NXPE2: variants seen among roughly 807,000 people sequenced by gnomAD.
NXPE2 encodes NXPE family member 2.
A neutral mutation model predicts 34.4 loss-of-function variants in NXPE2; 34 were observed. That is an observed-to-expected ratio of 0.99 (90% confidence interval 0.75 to 1.31). The LOEUF (loss-of-function observed/expected upper bound fraction) is 1.31, where lower values mean the gene tolerates loss of function less well. NXPE2 is among the 40% of genes most tolerant of loss of function. The pLI, the probability that NXPE2 is intolerant of heterozygous loss-of-function variation, is 0.00. For missense variants in NXPE2, 649 were observed against 672.5 expected (o/e 0.97, Z 0.39); for synonymous variants, 235 against 231.3 (o/e 1.02, Z -0.15).
chr11:114,570,099 G>C, the NXPE2 span, among the ~76,000 whole-genome samples: 1 of 152,162 alleles, frequency 6.6e-6, no homozygotes, highest in African/African-American at 2.4e-5. Flanking sequence ...GCCTCACATG[G>C]TTCCCGCCTT....
At chr11:114,584,364 A>C in the NXPE2 span, 1 of 406,414 alleles carries the variant, frequency 2.5e-6, no homozygotes, top group Non-Finnish European at 4.9e-6. Flanking sequence ...TTGAGAACCT[A>C]GTAATGCAGG....
the NXPE2 span, among the ~76,000 whole-genome samples, chr11:114,507,453 A>G: frequency 6.6e-6 from 1 of 152,164 alleles, no homozygotes; most frequent in Non-Finnish European, 1.5e-5. Context: ...ATAAGACTTC[A>G]GGCTGATATT....
intron 2 of NXPE2, among the ~76,000 whole-genome samples, chr11:114,696,337 AACC>A (rs1455745968): frequency 0.13 from 17,562 of 135,842 alleles, 1,471 homozygotes; most frequent in South Asian, 0.18. Context: ...ATATCAAAAA[AACC>A]AAAAAAAAAA....
chr11:114,633,482 C>A, the NXPE2 span, among the ~76,000 whole-genome samples: 196 of 148,934 alleles, frequency 1.3e-3, 1 homozygote, highest in African/African-American at 4.6e-3. Flanking sequence ...TATTATTATA[C>A]TTCAAGTTTT....
At chr11:114,495,455 G>A in the NXPE2 span, among the ~76,000 whole-genome samples, 1 of 151,604 alleles carries the variant, frequency 6.6e-6, no homozygotes, top group African/African-American at 2.4e-5. Flanking sequence ...AAGCAGAAGG[G>A]TCTCTCCTCA....
At chr11:114,557,634 C>CATAT in the NXPE2 span, among the ~76,000 whole-genome samples, 780 of 128,208 alleles carry the variant, frequency 6.1e-3, 3 homozygotes, top group Admixed American at 8.7e-3. Flanking sequence ...ATATATAATA[C>CATAT]ATATATATAT....
the NXPE2 span, among the ~76,000 whole-genome samples, chr11:114,785,792 G>C: frequency 1.3e-5 from 2 of 152,092 alleles, no homozygotes; most frequent in African/African-American, 4.8e-5. Flanking sequence ...ACTTCCCCTA[G>C]TTTTAGGCCT....
chr11:114,557,486 G>T, the NXPE2 span, among the ~76,000 whole-genome samples: 1 of 151,438 alleles, frequency 6.6e-6, no homozygotes, highest in Admixed American at 6.6e-5. Flanking sequence ...AGATGGAAAA[G>T]AAATATGCTG....
chr11:114,559,455 A>C, the NXPE2 span, among the ~76,000 whole-genome samples: 1 of 152,180 alleles, frequency 6.6e-6, no homozygotes, highest in African/African-American at 2.4e-5. Context: ...TCCTCTCTCC[A>C]ACTAGATGTT....
At chr11:114,735,918 G>A in the NXPE2 span, among the ~76,000 whole-genome samples, 16 of 152,084 alleles carry the variant, frequency 1.1e-4, no homozygotes, top group South Asian at 2.1e-4. Flanking sequence ...AGCGTCCGCC[G>A]GTTTGAGAAA....
At chr11:114,486,744 G>T in the NXPE2 span, among the ~76,000 whole-genome samples, 1 of 152,186 alleles carries the variant, frequency 6.6e-6, no homozygotes, top group Admixed American at 6.5e-5. Flanking sequence ...ATCATTTATT[G>T]AAGAGACTGT....
chr11:114,641,442 CA>C, the NXPE2 span, among the ~76,000 whole-genome samples: 1 of 151,854 alleles, frequency 6.6e-6, no homozygotes, highest in Non-Finnish European at 1.5e-5. Context: ...AATGAAATTG[CA>C]AAATATTTGA....
chr11:114,778,000 C>T, the NXPE2 span, among the ~76,000 whole-genome samples: 297 of 152,264 alleles, frequency 2.0e-3, no homozygotes, highest in African/African-American at 7.0e-3. Flanking sequence ...AATATCAAAC[C>T]AGTATTTGGC....
At chr11:114,786,562 C>T in the NXPE2 span, among the ~76,000 whole-genome samples, 3 of 152,124 alleles carry the variant, frequency 2.0e-5, no homozygotes, top group South Asian at 6.2e-4. Flanking sequence ...TGCTAAATTA[C>T]CCTTTAAACT....
chr11:114,798,952 C>G, the NXPE2 span, among the ~76,000 whole-genome samples: 1 of 152,216 alleles, frequency 6.6e-6, no homozygotes, highest in Non-Finnish European at 1.5e-5. Context: ...TTTCTCCACA[C>G]TGTCGTATAG....
the NXPE2 span, among the ~76,000 whole-genome samples, chr11:114,486,674 T>G: frequency 6.6e-6 from 1 of 152,090 alleles, no homozygotes; most frequent in East Asian, 1.9e-4. Flanking sequence ...TGATGCTTGT[T>G]TATGGTGAGA....
At chr11:114,766,304 A>G in the NXPE2 span, among the ~76,000 whole-genome samples, 1 of 152,148 alleles carries the variant, frequency 6.6e-6, no homozygotes, top group Admixed American at 6.5e-5. Context: ...TATAAATCAA[A>G]ACTTCTTCCA....
At chr11:114,602,236 A>T in the NXPE2 span, among the ~76,000 whole-genome samples, 16 of 115,362 alleles carry the variant, frequency 1.4e-4, no homozygotes, top group Non-Finnish European at 1.3e-4. Context: ...ATTATATATT[A>T]TACTATATAC....
chr11:114,752,772 G>C, the NXPE2 span, among the ~76,000 whole-genome samples: 2 of 152,116 alleles, frequency 1.3e-5, no homozygotes, highest in South Asian at 4.1e-4. Flanking sequence ...TTAAATTTAA[G>C]ATGCCTTTTA....
Sources: gnomAD v4.1 joint callset for allele counts (sites outside exome capture counted in the v4.1 genomes callset) on GRCh38, gnomAD v4.1.1 for gene constraint, MANE v1.5 for transcripts, NCBI Gene and HGNC (gene_info 2026-07-23, HGNC 2026-07-21) for gene names.